Variants in TRAPPC9 observed in about 807,000 individuals in gnomAD.
TRAPPC9 encodes trafficking protein particle complex subunit 9.
A neutral mutation model predicts 124.0 loss-of-function variants in TRAPPC9; 83 were observed. That is an observed-to-expected ratio of 0.67 (90% confidence interval 0.56 to 0.80). TRAPPC9 has a LOEUF of 0.80. Ranked by LOEUF, TRAPPC9 falls within the 30% of genes least tolerant of loss-of-function variation. The probability of loss-of-function intolerance (pLI) is 0.00; values close to 1 mark genes in which losing one functional copy is unlikely to be tolerated. For missense variants in TRAPPC9, 1,302 were observed against 1,508.3 expected, an observed-to-expected ratio of 0.86 and a Z score of 2.27; for synonymous variants, 638 against 617.5, an observed-to-expected ratio of 1.03 and a Z score of -0.49.
chr8:140,245,454 T>G (rs748207706), intron 16 of TRAPPC9, among the ~76,000 whole-genome samples: 1 of 133,964 alleles, frequency 7.5e-6, no homozygotes, highest in Non-Finnish European at 1.5e-5. Context: ...TTTTCATCTC[T>G]TTGTTTTGTG....
At chr8:140,383,488 A>T (rs1361032231) in intron 7 of TRAPPC9, among the ~76,000 whole-genome samples, 1 of 152,242 alleles carries the variant, frequency 6.6e-6, no homozygotes, top group East Asian at 1.9e-4. Context: ...GGAGCTGAAA[A>T]CGATGGCACG....
intron 19 of TRAPPC9, among the ~76,000 whole-genome samples, chr8:139,946,678 TAA>T (rs35575126): frequency 4.4e-5 from 6 of 136,368 alleles, no homozygotes; most frequent in Non-Finnish European, 6.3e-5. Context: ...AATTTTCTTC[TAA>T]AAAAAAAAAA....
At chr8:140,429,588 T>G (rs1256866075) in intron 4 of TRAPPC9, among the ~76,000 whole-genome samples, 1 of 150,848 alleles carries the variant, frequency 6.6e-6, no homozygotes, top group Admixed American at 6.6e-5. Context: ...GGTGGATCAC[T>G]TGAGGTCAGG....
chr8:140,282,502 CAAAA>C (rs549294612), intron 14 of TRAPPC9, among the ~76,000 whole-genome samples: 1 of 99,712 alleles, frequency 1.0e-5, no homozygotes, highest in Non-Finnish European at 2.0e-5. Context: ...GACTCCACCT[CAAAA>C]AAAAAAAAAA....
At chr8:140,208,758 G>A (rs2062987226) in intron 17 of TRAPPC9, among the ~76,000 whole-genome samples, 1 of 152,200 alleles carries the variant, frequency 6.6e-6, no homozygotes, top group African/African-American at 2.4e-5. Flanking sequence ...AGTCTACTGG[G>A]GAAACCACAC....
intron 20 of TRAPPC9, among the ~76,000 whole-genome samples, chr8:139,899,120 C>CAAAAAAAAAAAAAAAAAAAAAAAAATTAA (rs33927933): frequency 2.2e-5 from 1 of 45,468 alleles, no homozygotes; most frequent in African/African-American, 9.9e-5. Flanking sequence ...AACTCCGTCT[C>CAAAAAAAAAAAAAAAAAAAAAAAAATTAA]AAAAAAAAAA....
chr8:140,257,728 CCCAGGT>C lies in TRAPPC9; in HGVS notation c.2279-4805_2279-4800del, dbSNP rs1229625932. Among the ~76,000 whole-genome samples the C allele has an allele frequency of 9.2e-5, 14 of 152,250 alleles. No individual in the cohort carries two copies. The highest frequency in any genetic ancestry group is 7.2e-4 in the Admixed American group (11 of 15,298). ...CTGGATTTTCTAGAGCTTTTTAATACCCAGGTCCAGGGTATCTACTCAGATATGCAA... is the reference window on the plus strand; with the variant it reads ...CTGGATTTTCTAGAGCTTTTTAATACCCAGGGTATCTACTCAGATATGCAA... On this transcript the variant is annotated intron_variant, in intron 15 of 22. Transcript: ENST00000438773. The surrounding 1 kb of genome is among the most constrained non-coding windows in gnomAD (Gnocchi z 4.6).
At position 140,206,920 on chromosome 8, in the gene TRAPPC9, G is replaced by A. The variant is rs192696750; in HGVS notation, c.2556+14539C>T. On this transcript the variant is annotated intron_variant, in intron 17 of 22. Transcript: ENST00000438773. The stretch of plus-strand genomic sequence containing the variant: ...GGGAACAAGCATCTGTCGAGCACCC[G>A]TCATGTGCCAGACAGTCTGCTACGC... Among the ~76,000 whole-genome samples, 5 of 152,180 alleles carry A rather than the reference G, an allele frequency of 3.3e-5. No individual in the cohort carries two copies. The East Asian group carries it at 5.8e-4, about 18-fold the overall frequency.
intron 16 of TRAPPC9, among the ~76,000 whole-genome samples, chr8:140,232,766 C>T (rs9324519): frequency 0.71 from 108,054 of 152,062 alleles, 38,627 homozygotes; most frequent in Admixed American, 0.75. Flanking sequence ...ACATCAATTC[C>T]CCAAAGAAAG....
intron 18 of TRAPPC9, among the ~76,000 whole-genome samples, chr8:140,001,045 T>C (rs924876687): frequency 9.9e-5 from 15 of 152,222 alleles, no homozygotes; most frequent in African/African-American, 3.1e-4. Flanking sequence ...TGGAATACTA[T>C]GCAGCCATAA....
intron 19 of TRAPPC9, among the ~76,000 whole-genome samples, chr8:139,960,509 T>C (rs1177894994): frequency 6.6e-6 from 1 of 152,230 alleles, no homozygotes; most frequent in Non-Finnish European, 1.5e-5. Flanking sequence ...TTTGTCAGCC[T>C]GACCCTTTGT....
chr8:139,963,687 G>GT (rs1835491801), intron 19 of TRAPPC9, among the ~76,000 whole-genome samples: 1 of 136,564 alleles, frequency 7.3e-6, no homozygotes, highest in Non-Finnish European at 1.5e-5. Context: ...TTTGATAGAT[G>GT]TAACACAGGA....
chr8:140,138,583 G>A (rs2061339289), intron 17 of TRAPPC9, among the ~76,000 whole-genome samples: 1 of 152,080 alleles, frequency 6.6e-6, no homozygotes, highest in South Asian at 2.1e-4. Flanking sequence ...TTTCAGTTCT[G>A]GCCTGACTGA....
chr8:140,023,540 G>A (rs1406707123), intron 18 of TRAPPC9, among the ~76,000 whole-genome samples: 2 of 152,230 alleles, frequency 1.3e-5, no homozygotes, highest in East Asian at 1.9e-4. Flanking sequence ...GAATGATGCA[G>A]AAGAGATGCT....
intron 17 of TRAPPC9, among the ~76,000 whole-genome samples, chr8:140,202,419 G>A (rs185236338): frequency 6.6e-6 from 1 of 152,114 alleles, no homozygotes; most frequent in Admixed American, 6.5e-5. Flanking sequence ...AAAGTAAAGG[G>A]GGAAAAAAAG....
rs1467708050 is a variant in TRAPPC9, at chr8:140,386,566, A to G, written c.1134+11054T>C. ...AATCATGAGTGAACTCCCATTCACA[A>G]TTGCTTCAAAGAGAATAAAATACCT... On this transcript the variant is annotated intron_variant, in intron 7 of 22. Coordinates refer to ENST00000438773, the MANE Select transcript of TRAPPC9 (RefSeq NM_001160372.4). Among the ~76,000 whole-genome samples the G allele has an allele frequency of 3.3e-5, 5 of 152,154 alleles. No individual in the cohort carries two copies. In the South Asian group the frequency reaches 1.0e-3, roughly 32 times the overall value.
intron 5 of TRAPPC9, among the ~76,000 whole-genome samples, chr8:140,406,112 G>A (rs190121420): frequency 1.3e-5 from 2 of 151,850 alleles, no homozygotes; most frequent in African/African-American, 2.4e-5. Flanking sequence ...GAACCACACG[G>A]CATTGAAAAA....
intron 21 of TRAPPC9, among the ~76,000 whole-genome samples, chr8:139,858,889 A>G (rs533919200): frequency 2.0e-5 from 3 of 149,968 alleles, no homozygotes; most frequent in South Asian, 4.4e-4. Flanking sequence ...CACGCCTCGC[A>G]TAAGTCCCAT....
intron 17 of TRAPPC9, among the ~76,000 whole-genome samples, chr8:140,070,498 A>G (rs1168574663): frequency 6.6e-6 from 1 of 152,196 alleles, no homozygotes; most frequent in Non-Finnish European, 1.5e-5. Context: ...AAGCTATGTG[A>G]TTTTTCTTTC....
Sources: gnomAD v4.1 joint callset for allele counts (sites outside exome capture counted in the v4.1 genomes callset) on GRCh38, gnomAD v4.1.1 for gene constraint, Gnocchi (gnomAD v3.1) non-coding constraint, MANE v1.5 for transcripts, NCBI Gene and HGNC (gene_info 2026-07-23, HGNC 2026-07-21) for gene names.